Variants in OLAH observed in about 807,000 individuals in gnomAD.
The protein encoded by OLAH is S-acyl fatty acid synthase thioesterase, medium chain.
Under a neutral mutation model 27.8 loss-of-function variants are expected in OLAH, and 33 were observed. The ratio of observed to expected loss-of-function variants is 1.19; its 90% CI spans 0.90 to 1.59. OLAH has a LOEUF of 1.59. OLAH is among the 40% of genes most tolerant of loss of function. The pLI is 0.00. For synonymous variants in OLAH, 120 were observed against 102.9 expected, an observed-to-expected ratio of 1.17 and a Z score of -1.01; for missense variants, 359 against 310.8, an observed-to-expected ratio of 1.16 and a Z score of -1.17.
Position 15,071,808 on chromosome 10 carries a change from T to C in OLAH, c.586T>C (p.Ser196Pro). The stretch of plus-strand genomic sequence containing the variant: ...TTATGTTTATAGCTCTAACGTACCA[T>C]CTAAGGCTGTTCTTTCCTGTGACTT... ...IVRSCTSNVP[S>P]KAVLSCDLTC... The change falls in exon 7 of 8, where the codon TCT (serine) becomes CCT (proline). Residue 196 changes from serine to proline, a missense_variant. By Grantham distance (74) the Ser-to-Pro change is moderately conservative. Coordinates refer to ENST00000378228, the MANE Select transcript of OLAH (RefSeq NM_001039702.3). 1 of 1,612,936 alleles carries C rather than the reference T, an allele frequency of 6.2e-7. No individual in the cohort carries two copies. The highest frequency in any genetic ancestry group is 8.5e-7 in the Non-Finnish European group (1 of 1,178,864).
chr10:15,047,490 T>C (rs1425700879), intron 2 of OLAH, 170 bp downstream of exon 2: 1 of 653,814 alleles, frequency 1.5e-6, no homozygotes, highest in Non-Finnish European at 2.7e-6. Context: ...AGGTCAGGAG[T>C]TCAAGACCAG....
chr10:15,041,045 T>C (rs886937702), upstream of OLAH, among the ~76,000 whole-genome samples: 1 of 152,208 alleles, frequency 6.6e-6, no homozygotes, highest in African/African-American at 2.4e-5. Flanking sequence ...GTGAACAATG[T>C]TGGTGCTCAG....
At chr10:15,069,637 C>T (rs961439864) in intron 6 of OLAH, among the ~76,000 whole-genome samples, 6 of 152,282 alleles carry the variant, frequency 3.9e-5, no homozygotes, top group Non-Finnish European at 5.9e-5. Flanking sequence ...GAGGCCAAGG[C>T]GGGCGGATCA....
chr10:15,068,255 T>C (rs971836758), intron 6 of OLAH, among the ~76,000 whole-genome samples: 27 of 152,216 alleles, frequency 1.8e-4, no homozygotes, highest in Admixed American at 1.6e-3. Flanking sequence ...CTAAATCTGT[T>C]GATAAATTAA....
At chr10:15,055,382 T>C (rs1428775051) in intron 3 of OLAH, among the ~76,000 whole-genome samples, 1 of 152,148 alleles carries the variant, frequency 6.6e-6, no homozygotes, top group African/African-American at 2.4e-5. Flanking sequence ...TATTTTCATG[T>C]TTCTGTAGGA....
intron 2 of OLAH, 78 bp from the exon 3 acceptor site, chr10:15,049,557 C>T: frequency 3.3e-6 from 3 of 918,430 alleles, no homozygotes; most frequent in Non-Finnish European, 3.1e-6. Flanking sequence ...TAAAGATTTC[C>T]ATTAAAACAC....
chr10:15,056,312 T>C lies in OLAH; in HGVS notation c.164-5412T>C, dbSNP rs79528982. 3.4e-3 allele frequency among the ~76,000 whole-genome samples: 521 copies of C among 152,086 alleles called. 4 individuals are homozygous for C. Among genetic ancestry groups the C allele is most frequent in the African/African-American group, 0.012 (499 of 41,496 alleles). ...CTTCTTATATACATGTACGAGAGAG[T>C]CTACATCTAGGAATGGAATTTCTGG... On this transcript the variant is annotated intron_variant, in intron 3 of 7. Transcript: ENST00000378228.
intron 4 of OLAH, 154 bp downstream of exon 4, chr10:15,062,016 C>G: frequency 1.5e-6 from 1 of 682,356 alleles, no homozygotes; most frequent in South Asian, 3.1e-5. Context: ...TACAATTCAC[C>G]AGTTTGTATG....
intron 3 of OLAH, among the ~76,000 whole-genome samples, chr10:15,058,944 T>TTCCCTCCCTCCG (rs1844301229): frequency 1.4e-5 from 1 of 72,102 alleles, no homozygotes; most frequent in Non-Finnish European, 3.0e-5. Context: ...CCCTCTCTCC[T>TTCCCTCCCTCCG]TCCCTTCCCT....
At chr10:15,047,653 C>T (rs922248051) in intron 2 of OLAH, among the ~76,000 whole-genome samples, 3 of 152,068 alleles carry the variant, frequency 2.0e-5, no homozygotes, top group Admixed American at 6.6e-5. Context: ...TGCAGTGAGA[C>T]GAGATCGCGC....
intron 1 of OLAH, among the ~76,000 whole-genome samples, chr10:15,045,338 A>G (rs1392066216): frequency 6.6e-6 from 1 of 152,242 alleles, no homozygotes; most frequent in African/African-American, 2.4e-5. Flanking sequence ...GTAATGCTCC[A>G]TAACAACTTT....
intron 7 of OLAH, 109 bp from the exon 8 acceptor site, chr10:15,072,978 T>C: frequency 1.9e-6 from 2 of 1,034,574 alleles, no homozygotes; most frequent in Middle Eastern, 2.2e-4. Flanking sequence ...ACATAAGGCC[T>C]TGAAAGTAAC....
intron 4 of OLAH, among the ~76,000 whole-genome samples, chr10:15,062,534 A>G (rs1038924454): frequency 3.3e-5 from 5 of 151,726 alleles, no homozygotes; most frequent in African/African-American, 1.2e-4. Context: ...CTTAAAAGCA[A>G]TGTACACTCA....
intron 4 of OLAH, among the ~76,000 whole-genome samples, chr10:15,063,587 A>C: frequency 6.6e-6 from 1 of 152,222 alleles, no homozygotes; most frequent in East Asian, 1.9e-4. Context: ...ATGTATTTAC[A>C]TAATATCAAC....
chr10:15,039,277 C>G (rs372496802), upstream of OLAH, among the ~76,000 whole-genome samples: 3 of 152,044 alleles, frequency 2.0e-5, no homozygotes, highest in Admixed American at 6.6e-5. Flanking sequence ...TAAAAATCTC[C>G]CTAGAAGACT....
chr10:15,054,563 T>G (rs1364271823), intron 3 of OLAH, among the ~76,000 whole-genome samples: 3 of 146,336 alleles, frequency 2.1e-5, no homozygotes, highest in African/African-American at 7.9e-5. Flanking sequence ...TTCTTGAGGC[T>G]CTCCATGTGT....
chr10:15,040,733 G>T (rs1277572235), upstream of OLAH, among the ~76,000 whole-genome samples: 3 of 152,096 alleles, frequency 2.0e-5, no homozygotes, highest in Non-Finnish European at 4.4e-5. Flanking sequence ...TTGCATGGTA[G>T]GAAGCAAGGA....
At chr10:15,051,171 G>A (rs1048434572) in intron 3 of OLAH, among the ~76,000 whole-genome samples, 32 of 150,846 alleles carry the variant, frequency 2.1e-4, no homozygotes, top group Admixed American at 1.9e-3. Context: ...TGCCTCCCAG[G>A]TTCAAGCGAT....
chr10:15,034,099 AC>A (rs1413563341), intron 1 of OLAH, among the ~76,000 whole-genome samples: 5 of 104,550 alleles, frequency 4.8e-5, no homozygotes, highest in African/African-American at 1.7e-4. Flanking sequence ...GGCAGACTCC[AC>A]CATTTTTTTT....
Sources: gnomAD v4.1 joint callset for allele counts (sites outside exome capture counted in the v4.1 genomes callset) on GRCh38, gnomAD v4.1.1 for gene constraint, MANE v1.5 for transcripts, NCBI Gene and HGNC (gene_info 2026-07-23, HGNC 2026-07-21) for gene names.